The following HK2 variants were observed in gnomAD, a reference collection of about 807,000 sequenced individuals.
HK2 encodes the protein hexokinase-2.
In HK2, 42 loss-of-function variants were observed where a neutral mutation model predicts 92.9. That is an observed-to-expected ratio of 0.45 (90% confidence interval 0.35 to 0.58). HK2 has a LOEUF of 0.58. Among genes scored for constraint, HK2 ranks in the 20% least tolerant of loss-of-function variants. The pLI, the probability that HK2 is intolerant of heterozygous loss-of-function variation, is 0.00. For missense variants in HK2, 978 were observed against 1,245.1 expected (o/e 0.79, Z 3.23); for synonymous variants, 422 against 468.0 (o/e 0.90, Z 1.27).
rs528194129 is a variant in HK2, at chr2:74,863,404, T to G, written c.227-4232T>G. On this transcript the variant is annotated intron_variant, in intron 2 of 17. Transcript: ENST00000290573. ...GTCTGTACCAGACACCAGCGTTAAC[T>G]GTGATTCAGTGCCTTTAATGACACG... Among the ~76,000 whole-genome samples, 3 of 152,354 alleles carry G rather than the reference T, an allele frequency of 2.0e-5. No individual in the cohort carries two copies. In the South Asian group the frequency reaches 6.2e-4, roughly 32 times the overall value.
In HK2 at chr2:74,881,828, C is replaced by T. The variant is rs759293933; in HGVS notation, c.1688C>T (p.Pro563Leu). ...ATGCACAACAAGATCTACGCCATCC[C>T]GCAGGAGGTCATGCACGGCACCGGG... ...VEMHNKIYAI[P>L]QEVMHGTGDE... The change falls in exon 11 of 18, where the codon CCG becomes CTG. Residue 563 changes from proline to leucine, a missense_variant. Pro to Leu is a moderately conservative substitution (Grantham distance 98). Coordinates refer to ENST00000290573, the MANE Select transcript of HK2 (RefSeq NM_000189.5). The T allele has an allele frequency of 2.2e-5, 36 of 1,614,018 alleles. No individual in the cohort carries two copies. The highest frequency in any genetic ancestry group is 3.3e-5 in the Admixed American group (2 of 60,006).
intron 5 of HK2, 113 bp from the exon 6 acceptor site, chr2:74,873,731 G>T: frequency 2.8e-6 from 2 of 726,756 alleles, no homozygotes; most frequent in East Asian, 2.7e-5. Context: ...GGGGAGGGAG[G>T]GGGGAGAGAG....
intron 14 of HK2, 28 bp from the exon 15 acceptor site, chr2:74,886,462 T>G (rs909269386): frequency 1.9e-6 from 3 of 1,613,924 alleles, no homozygotes; most frequent in South Asian, 1.1e-5. Context: ...TGGTGCTGAG[T>G]GAGGCCCTGG....
At chr2:74,867,898 C>T (rs554907549) in intron 3 of HK2, 114 bp downstream of exon 3, 2 of 1,210,722 alleles carry the variant, frequency 1.7e-6, no homozygotes, top group Non-Finnish European at 2.4e-6. Flanking sequence ...CCAAGACACT[C>T]ATGGATGCCA....
chr2:74,842,301 A>G (rs2103840399), intron 1 of HK2, among the ~76,000 whole-genome samples: 1 of 152,320 alleles, frequency 6.6e-6, no homozygotes, highest in Middle Eastern at 3.4e-3. Flanking sequence ...TACTTTCAGT[A>G]TTTATATAAC....
At chr2:74,850,702 CCTT>C (rs1276015254) in intron 1 of HK2, among the ~76,000 whole-genome samples, 1 of 152,184 alleles carries the variant, frequency 6.6e-6, no homozygotes, top group Non-Finnish European at 1.5e-5. Flanking sequence ...GCATTCATCT[CCTT>C]CTCAATCCAG....
chr2:74,858,439 G>C (rs1371971382), intron 2 of HK2, among the ~76,000 whole-genome samples: 3 of 152,184 alleles, frequency 2.0e-5, no homozygotes, highest in Admixed American at 1.3e-4. Flanking sequence ...AGCGATTTAT[G>C]ATGTGATCCT....
chr2:74,855,681 C>A lies in HK2; in HGVS notation c.226+1226C>A, dbSNP rs1374875484. Among the ~76,000 whole-genome samples the A allele has an allele frequency of 1.3e-5, 2 of 152,208 alleles. 1 individual carries two copies. The highest frequency in any genetic ancestry group is 2.9e-5 in the Non-Finnish European group (2 of 68,040). ...TGAATGCAAGCCTAAAACATTTAAT[C>A]TCTGCAGTAGCATTGGGGAGTAAAT... On this transcript the variant is annotated intron_variant, in intron 2 of 17. Transcript: ENST00000290573.
chr2:74,888,181 A>G, intron 16 of HK2, 123 bp downstream of exon 16: 1 of 972,998 alleles, frequency 1.0e-6, no homozygotes, highest in Non-Finnish European at 1.6e-6. Context: ...TGGCAAACAC[A>G]TTCATGTCTA....
intron 12 of HK2, chr2:74,882,452 C>G (rs1205277161): frequency 5.4e-6 from 1 of 183,868 alleles, no homozygotes; most frequent in South Asian, 1.9e-4. Flanking sequence ...TTTGGGACAA[C>G]GATGATGATG....
chr2:74,863,671 G>C (rs1317335685), intron 2 of HK2, among the ~76,000 whole-genome samples: 1 of 152,152 alleles, frequency 6.6e-6, no homozygotes, highest in Non-Finnish European at 1.5e-5. Context: ...TACATTCTCA[G>C]AGCAGTCCAC....
intron 7 of HK2, among the ~76,000 whole-genome samples, chr2:74,876,638 T>C (rs1050746141): frequency 6.6e-6 from 1 of 152,120 alleles, no homozygotes; most frequent in African/African-American, 2.4e-5. Flanking sequence ...AACCTGCCTT[T>C]ATAATGTTGC....
chr2:74,852,050 C>G (rs138292086), intron 1 of HK2, among the ~76,000 whole-genome samples: 131 of 152,338 alleles, frequency 8.6e-4, no homozygotes, highest in African/African-American at 2.9e-3. Flanking sequence ...GTGACTTCCC[C>G]TCTCTGTAGA....
intron 1 of HK2, among the ~76,000 whole-genome samples, chr2:74,848,585 T>C (rs1400241822): frequency 6.6e-6 from 1 of 152,232 alleles, no homozygotes; most frequent in Non-Finnish European, 1.5e-5. Flanking sequence ...GATTCAGGGA[T>C]TGAATGATAC....
chr2:74,886,142 G>C (rs932050537), intron 13 of HK2, 152 bp from the exon 14 acceptor site: 5 of 727,982 alleles, frequency 6.9e-6, no homozygotes, highest in Admixed American at 2.0e-5. Flanking sequence ...TCACCAAAGA[G>C]GTGACATTTA....
chr2:74,879,903 T>C (rs1224391132), intron 9 of HK2, among the ~76,000 whole-genome samples: 3 of 152,206 alleles, frequency 2.0e-5, no homozygotes. Flanking sequence ...AACCACCTAA[T>C]ACCACAGGGC....
intron 2 of HK2, 34 bp from the exon 3 acceptor site, chr2:74,867,602 C>T: frequency 6.2e-7 from 1 of 1,611,562 alleles, no homozygotes; most frequent in Non-Finnish European, 8.5e-7. Context: ...AGAATTTTGC[C>T]CAAAATTAAT....
chr2:74,872,492 C>G, intron 4 of HK2, 73 bp downstream of exon 4: 1 of 1,571,532 alleles, frequency 6.4e-7, no homozygotes, highest in African/African-American at 1.4e-5. Context: ...TTCTGAGCCA[C>G]CTGCTGTGGT....
chr2:74,865,203 A>G (rs1161933358), intron 2 of HK2, among the ~76,000 whole-genome samples: 1 of 152,024 alleles, frequency 6.6e-6, no homozygotes, highest in African/African-American at 2.4e-5. Flanking sequence ...GTGTCAGGGA[A>G]TGTGTGTTCC....
Sources: gnomAD v4.1 joint callset for allele counts (sites outside exome capture counted in the v4.1 genomes callset) on GRCh38, gnomAD v4.1.1 for gene constraint, MANE v1.5 for transcripts, NCBI Gene and HGNC (gene_info 2026-07-23, HGNC 2026-07-21) for gene names.